MIA2: variants seen among roughly 807,000 people sequenced by gnomAD.
MIA2 encodes MIA SH3 domain ER export factor 2, also known as melanoma inhibitory activity protein 2.
MIA2 carries 127 observed loss-of-function variants against 167.8 expected under a neutral mutation model. That is an observed-to-expected ratio of 0.76 (90% CI 0.66 to 0.88). MIA2 has a LOEUF of 0.88. Among genes scored for constraint, MIA2 ranks in the 40% least tolerant of loss-of-function variants. The probability of loss-of-function intolerance (pLI) is 0.00; values close to 1 mark genes in which losing one functional copy is unlikely to be tolerated. For missense variants in MIA2, 1,690 were observed against 1,624.7 expected (o/e 1.04, Z -0.69); for synonymous variants, 552 against 541.9 (o/e 1.02, Z -0.26).
intron 6 of MIA2, among the ~76,000 whole-genome samples, chr14:39,270,654 A>G (rs958873916): frequency 3.3e-5 from 5 of 152,036 alleles, no homozygotes; most frequent in African/African-American, 7.2e-5. Flanking sequence ...TCAGCCTTCC[A>G]GAGTGCTGGT....
intron 4 of MIA2, among the ~76,000 whole-genome samples, chr14:39,251,054 A>G (rs2054549127): frequency 6.6e-6 from 1 of 152,190 alleles, no homozygotes; most frequent in African/African-American, 2.4e-5. Context: ...AAAGAGTTAA[A>G]CAGCCAATCT....
intron 8 of MIA2, 35 bp from the exon 9 acceptor site, chr14:39,279,414 A>G: frequency 1.2e-6 from 2 of 1,601,974 alleles, no homozygotes; most frequent in Non-Finnish European, 1.7e-6. Context: ...ACTTATAATA[A>G]TTTACTCATG....
At chr14:39,270,592 G>A (rs2152703063) in intron 6 of MIA2, among the ~76,000 whole-genome samples, 1 of 152,028 alleles carries the variant, frequency 6.6e-6, no homozygotes, top group East Asian at 1.9e-4. Context: ...GTAGTGGCGT[G>A]ATCATAGCCC....
rs1408118499 is a variant in MIA2 at position 39,326,880 on chromosome 14, G to A, written c.3513G>A (p.Gly1171=). ...GGGGRGSRGP[G]NPLDHQITNE... ...TTTAATTAGGCTCACGAGGCCCAGG[G>A]AATCCTCTGGACCATCAGATTACCA... The change falls in exon 25 of 29, where the codon GGG becomes GGA. Residue 1171 remains glycine (G), a synonymous_variant. Transcript: ENST00000640607. 1.9e-6 allele frequency: 3 copies of A among 1,575,484 alleles called. No individual in the cohort carries two copies. The highest frequency in any genetic ancestry group is 2.6e-6 in the Non-Finnish European group (3 of 1,165,392).
chr14:39,367,011 G>A (rs537690910), intron 23 of MIA2, among the ~76,000 whole-genome samples: 3 of 152,358 alleles, frequency 2.0e-5, no homozygotes, highest in South Asian at 4.1e-4. Flanking sequence ...CCTGGTGGCA[G>A]CAGCAGTGTG....
In MIA2 at chr14:39,370,657, C is replaced by T. The variant is rs905173524; in HGVS notation, c.2249-16228C>T. The stretch of plus-strand genomic sequence containing the variant: ...CTCTCTGCTGCCCGAGTCTGTCGCA[C>T]GTGCTGCATGCCCAGCACAGCAGAG... On this transcript the variant is annotated intron_variant, in intron 23 of 23. Coordinates refer to the MIA2 transcript ENST00000341502. 13 of 296,656 alleles carry T rather than the reference C, an allele frequency of 4.4e-5. No individual in the cohort carries two copies. The East Asian group carries it at 1.1e-3, about 25-fold the overall frequency. 18.4% of individuals were successfully genotyped at this position (296,656 alleles called of 1,614,324 possible).
Position 39,335,215 on chromosome 14 carries a change from T to C in MIA2, c.3655+8193T>C, listed in dbSNP as rs2070076194. On this transcript the variant is annotated intron_variant, in intron 25 of 28. Transcript: ENST00000640607. ...AGTCCTTCTCACTAATAATTGTCTT[T>C]AAGATTTTTCTTAAATTTTAAAATA... is the stretch of plus-strand genomic sequence containing the variant. Among the ~76,000 whole-genome samples, 6 of 152,338 alleles carry C rather than the reference T, an allele frequency of 3.9e-5. No individual in the cohort carries two copies. The East Asian group carries it at 5.8e-4, about 15-fold the overall frequency.
exon 24 of MIA2, chr14:39,387,712 A>G (rs929883215): frequency 1.3e-5 from 2 of 152,198 alleles, no homozygotes; most frequent in African/African-American, 4.8e-5. Context: ...ATGGCATACT[A>G]CAGAGAAAAT....
At chr14:39,288,430 T>C (rs934630902) in intron 9 of MIA2, among the ~76,000 whole-genome samples, 3 of 82,802 alleles carry the variant, frequency 3.6e-5, no homozygotes, top group Non-Finnish European at 7.0e-5. Flanking sequence ...GTATATATTA[T>C]ACATATATAT....
Position 39,297,668 on chromosome 14 carries a change from T to TGTGTGC in MIA2, c.2497-2191_2497-2190insCGTGTG, listed in dbSNP as rs1386616989. Among the ~76,000 whole-genome samples, 12 of 144,326 alleles carry TGTGTGC rather than the reference T, an allele frequency of 8.3e-5. 1 individual carries two copies. The highest frequency in any genetic ancestry group is 2.6e-4 in the African/African-American group (10 of 38,218). 94.7% of individuals were successfully genotyped at this position (144,326 alleles called of 152,430 possible). A position where few individuals can be genotyped will look rare whatever the true frequency, so the allele number is the denominator to read the frequency against. On this transcript the variant is annotated intron_variant, in intron 13 of 28. Coordinates refer to ENST00000640607, the MANE Select transcript of MIA2 (RefSeq NM_001329214.4). Reference sequence around the variant, plus strand: ...AAGAATGACCCTGTAGGGTTTTGCGTGTGTGTGTGTGTGTGTGTGTGTGTG... The same window carrying TGTGTGC: ...AAGAATGACCCTGTAGGGTTTTGCGTGTGTGCGTGTGTGTGTGTGTGTGTGTGTGTG...
intron 2 of MIA2, among the ~76,000 whole-genome samples, chr14:39,238,109 A>T (rs2053845971): frequency 6.6e-6 from 1 of 152,088 alleles, no homozygotes; most frequent in Admixed American, 6.6e-5. Flanking sequence ...TTCTGAGCAA[A>T]TGAAGGGCTG....
chr14:39,362,411 T>A (rs181646837), intron 23 of MIA2, among the ~76,000 whole-genome samples: 2 of 152,320 alleles, frequency 1.3e-5, no homozygotes, highest in African/African-American at 2.4e-5. Context: ...TCATTCAACC[T>A]TGGTAGATTG....
intron 2 of MIA2, among the ~76,000 whole-genome samples, chr14:39,237,738 TTTTG>T (rs1319754913): frequency 6.6e-6 from 1 of 152,096 alleles, no homozygotes; most frequent in African/African-American, 2.4e-5. Context: ...TGGTCAAGGT[TTTTG>T]TTTGTTTGTT....
At chr14:39,272,760 T>C (rs10130959) in intron 6 of MIA2, among the ~76,000 whole-genome samples, 134,484 of 152,226 alleles carry the variant, frequency 0.88, 59,701 homozygotes, top group East Asian at 0.96. Context: ...CAGTCCCTGT[T>C]TCAAACAAAG....
intron 6 of MIA2, among the ~76,000 whole-genome samples, chr14:39,273,056 G>A (rs1032537400): frequency 2.0e-5 from 3 of 151,950 alleles, no homozygotes; most frequent in African/African-American, 7.3e-5. Context: ...GGTTCTTTAG[G>A]ATTTTCTCTG....
intron 9 of MIA2, among the ~76,000 whole-genome samples, chr14:39,290,032 G>T (rs180690708): frequency 6.6e-6 from 1 of 152,080 alleles, no homozygotes; most frequent in Non-Finnish European, 1.5e-5. Context: ...TGCTTTTTCC[G>T]TCTTAAGATC....
rs764463597 is a variant in MIA2 at position 39,326,870 on chromosome 14, G to A, written c.3503G>A (p.Arg1168Gln). ...TTTTTTTTTCTTTAATTAGGCTCACGAGGCCCAGGGAATCCTCTGGACCAT... is the reference window on the plus strand; with the variant it reads ...TTTTTTTTTCTTTAATTAGGCTCACAAGGCCCAGGGAATCCTCTGGACCAT... ...LLPGGGGRGS[R>Q]GPGNPLDHQI... Residue 1168 changes from arginine to glutamine, a missense_variant, in exon 25 of 29, where the codon CGA (arginine) becomes CAA (glutamine). Physicochemically the swap from Arg to Gln is conservative, Grantham distance 43. Transcript: ENST00000640607. 13 of 1,563,536 alleles carry A rather than the reference G, an allele frequency of 8.3e-6. No homozygotes were observed. In the South Asian group the frequency reaches 1.4e-4, roughly 16 times the overall value.
chr14:39,372,966 A>G (rs1188954251), intron 23 of MIA2, among the ~76,000 whole-genome samples: 1 of 152,212 alleles, frequency 6.6e-6, no homozygotes, highest in Non-Finnish European at 1.5e-5. Context: ...AGAGTAATTC[A>G]AATGTTCAAG....
chr14:39,325,524 T>C (rs375722304), intron 24 of MIA2, among the ~76,000 whole-genome samples: 15 of 148,928 alleles, frequency 1.0e-4, no homozygotes, highest in South Asian at 2.1e-4. Context: ...CCTGCCACCA[T>C]GCCCGGCTAA....
Sources: allele counts gnomAD v4.1 joint callset (sites outside exome capture counted in the v4.1 genomes callset), GRCh38; gene constraint gnomAD v4.1.1; transcripts MANE v1.5; gene names NCBI Gene and HGNC (gene_info 2026-07-23, HGNC 2026-07-21).